CEP128: variants seen among roughly 807,000 people sequenced by gnomAD.
CEP128 encodes the protein centrosomal protein 128.
CEP128 carries 132 observed loss-of-function variants against 156.7 expected under a neutral mutation model. The ratio of observed to expected loss-of-function variants is 0.84; its 90% CI spans 0.73 to 0.97. CEP128 has a LOEUF of 0.97. CEP128 is among the 50% of genes least tolerant of loss of function. The probability of loss-of-function intolerance (pLI) is 0.00; values close to 1 mark genes in which losing one functional copy is unlikely to be tolerated. For missense variants in CEP128, 1,252 were observed against 1,281.9 expected, an observed-to-expected ratio of 0.98 and a Z score of 0.36; for synonymous variants, 469 against 448.9, an observed-to-expected ratio of 1.04 and a Z score of -0.57.
chr14:80,635,555 G>A (rs946980116), intron 19 of CEP128, among the ~76,000 whole-genome samples: 3 of 152,196 alleles, frequency 2.0e-5, no homozygotes, highest in African/African-American at 7.2e-5. Flanking sequence ...TTCTTGTGTA[G>A]AGGATACAGC....
chr14:80,638,262 T>TCATAAAGTATTCAGA (rs1377731279), intron 19 of CEP128, among the ~76,000 whole-genome samples: 11 of 152,196 alleles, frequency 7.2e-5, no homozygotes, highest in African/African-American at 2.7e-4. Flanking sequence ...AAGCATTCTC[T>TCATAAAGTATTCAGA]GAATACTTTA....
intron 16 of CEP128, among the ~76,000 whole-genome samples, chr14:80,776,643 GAGT>G (rs1900809764): frequency 6.6e-6 from 1 of 151,298 alleles, no homozygotes; most frequent in Non-Finnish European, 1.5e-5. Context: ...AGAAGTTTAT[GAGT>G]AGTTTTATGA....
intron 2 of CEP128, among the ~76,000 whole-genome samples, chr14:80,953,098 A>G (rs1886499614): frequency 6.6e-6 from 1 of 152,232 alleles, no homozygotes; most frequent in Non-Finnish European, 1.5e-5. Context: ...AGTTCTACAC[A>G]AACTCCTATA....
chr14:80,486,996 T>G (rs977924918), downstream of CEP128, among the ~76,000 whole-genome samples: 11 of 152,210 alleles, frequency 7.2e-5, no homozygotes, highest in Admixed American at 5.2e-4. Context: ...GCTAACATCA[T>G]AATGACAGGA....
chr14:80,925,868 G>A (rs1295731726), intron 2 of CEP128, among the ~76,000 whole-genome samples: 5 of 152,098 alleles, frequency 3.3e-5, no homozygotes, highest in African/African-American at 9.7e-5. Flanking sequence ...CTGGGGAGCC[G>A]AGCAATCCAG....
chr14:80,479,046 T>C (rs1222235674), intron 14 of CEP128, among the ~76,000 whole-genome samples: 1 of 152,190 alleles, frequency 6.6e-6, no homozygotes, highest in Non-Finnish European at 1.5e-5. Context: ...AGGTTGACAC[T>C]TTTCATGAGC....
At chr14:80,774,492 C>A (rs1900681128) in intron 16 of CEP128, among the ~76,000 whole-genome samples, 2 of 152,176 alleles carry the variant, frequency 1.3e-5, no homozygotes, top group Non-Finnish European at 2.9e-5. Context: ...CTACTAATCA[C>A]TGGGTTTTCC....
At chr14:80,632,408 ATATATGT>A (rs1893999006) in intron 19 of CEP128, among the ~76,000 whole-genome samples, 1 of 148,728 alleles carries the variant, frequency 6.7e-6, no homozygotes. Flanking sequence ...TGCATATAGT[ATATATGT>A]TATATAATAT....
chr14:80,840,827 T>A, intron 9 of CEP128, 59 bp from the exon 10 acceptor site: 1 of 1,018,584 alleles, frequency 9.8e-7, no homozygotes, highest in African/African-American at 1.6e-5. Flanking sequence ...TGAAAGTCAC[T>A]ACTAGAATTT....
intron 19 of CEP128, among the ~76,000 whole-genome samples, chr14:80,703,556 A>G (rs1183128084): frequency 1.3e-5 from 2 of 151,898 alleles, no homozygotes; most frequent in African/African-American, 4.8e-5. Context: ...TTCCTATCTG[A>G]TTTTCTTATA....
chr14:80,671,511 C>G (rs1001083507), intron 19 of CEP128, among the ~76,000 whole-genome samples: 3 of 152,150 alleles, frequency 2.0e-5, no homozygotes, highest in African/African-American at 7.2e-5. Context: ...CAAACCTTGT[C>G]TCATATCAAA....
chr14:80,589,768 A>C (rs566717483), intron 19 of CEP128, among the ~76,000 whole-genome samples: 1 of 152,290 alleles, frequency 6.6e-6, no homozygotes, highest in East Asian at 1.9e-4. Context: ...CCCAAGGGTA[A>C]GAACTGTTTA....
intron 19 of CEP128, among the ~76,000 whole-genome samples, chr14:80,710,905 T>C (rs1897378338): frequency 6.6e-6 from 1 of 152,164 alleles, no homozygotes; most frequent in Non-Finnish European, 1.5e-5. Flanking sequence ...TCCAATAGTT[T>C]CCTCTAAAGT....
At chr14:80,891,159 A>AG (rs1889079950) in intron 8 of CEP128, among the ~76,000 whole-genome samples, 1 of 152,152 alleles carries the variant, frequency 6.6e-6, no homozygotes, top group African/African-American at 2.4e-5. Context: ...TCCTCAAAAA[A>AG]CTAAAAACAG....
At chr14:80,478,149 G>A (rs138467817) in exon 15 of CEP128, 1 of 152,070 alleles carries the variant, frequency 6.6e-6, no homozygotes, top group African/African-American at 2.4e-5. Flanking sequence ...TATTTGATAG[G>A]GCAGAAAAGT....
intron 12 of CEP128, among the ~76,000 whole-genome samples, chr14:80,832,942 C>G (rs1037973360): frequency 6.6e-6 from 1 of 152,138 alleles, no homozygotes; most frequent in Non-Finnish European, 1.5e-5. Flanking sequence ...TATATGATTT[C>G]TGTCATAACT....
At chr14:80,877,766 A>G (rs1490564729) in intron 8 of CEP128, among the ~76,000 whole-genome samples, 1 of 152,088 alleles carries the variant, frequency 6.6e-6, no homozygotes, top group Non-Finnish European at 1.5e-5. Flanking sequence ...AGTCACTGCT[A>G]TATCCTCCCC....
chr14:80,706,099 T>C (rs1205542170), intron 19 of CEP128, among the ~76,000 whole-genome samples: 2 of 152,134 alleles, frequency 1.3e-5, no homozygotes, highest in Non-Finnish European at 2.9e-5. Context: ...CTATCATAAA[T>C]TGTTCACTTA....
intron 21 of CEP128, 107 bp downstream of exon 21, chr14:80,559,172 A>T: frequency 1.0e-6 from 1 of 968,872 alleles, no homozygotes; most frequent in Non-Finnish European, 1.6e-6. Flanking sequence ...TCTTAGATGT[A>T]GTTTTCGAAA....
Sources: allele counts gnomAD v4.1 joint callset (sites outside exome capture counted in the v4.1 genomes callset), GRCh38; gene constraint gnomAD v4.1.1; transcripts MANE v1.5; gene names NCBI Gene and HGNC (gene_info 2026-07-23, HGNC 2026-07-21).